Variants in TBC1D25 observed in about 807,000 individuals in gnomAD.
TBC1D25 encodes the protein TBC1 domain family member 25, also known as 5SN3 snoRNA.
A neutral mutation model predicts 38.8 loss-of-function variants in TBC1D25; 13 were observed. The observed-to-expected ratio is 0.34, with a 90% CI of 0.22 to 0.53. The LOEUF is 0.53. TBC1D25 is among the 20% of genes least tolerant of loss of function. The pLI is 0.94. For synonymous variants in TBC1D25, 225 were observed against 255.6 expected (o/e 0.88, Z 1.14); for missense variants, 372 against 600.0 (o/e 0.62, Z 3.97).
At chrX:48,556,807 C>G (rs1402442616) in intron 3 of TBC1D25, among the ~76,000 whole-genome samples, 1 of 108,950 alleles carries the variant, frequency 9.2e-6, no homozygotes, top group East Asian at 2.8e-4. Context: ...CTTAGTAGCC[C>G]TCTCGTATCA....
chrX:48,545,666 C>A (rs1221586920), intron 3 of TBC1D25, among the ~76,000 whole-genome samples: 2 of 112,021 alleles, frequency 1.8e-5, no homozygotes, highest in Admixed American at 1.9e-4. Context: ...GATTACAGAC[C>A]ATACATTAGA....
chrX:48,554,479 G>A (rs1556984120), intron 3 of TBC1D25, among the ~76,000 whole-genome samples: 1 of 105,105 alleles, frequency 9.5e-6, no homozygotes, highest in East Asian at 3.1e-4. Context: ...AGAATGGCTT[G>A]AACCCAGGAG....
chrX:48,552,136 G>A (rs782154766), intron 3 of TBC1D25, among the ~76,000 whole-genome samples: 4 of 110,689 alleles, frequency 3.6e-5, no homozygotes, highest in South Asian at 3.7e-4. Flanking sequence ...CATACCTCTC[G>A]TAAAAACGTC....
intron 3 of TBC1D25, among the ~76,000 whole-genome samples, chrX:48,556,076 C>G (rs1024284973): frequency 9.3e-6 from 1 of 107,199 alleles, no homozygotes; most frequent in African/African-American, 3.4e-5. Context: ...TCTTTCACTA[C>G]TCCTCCTCAG....
chrX:48,545,213 AG>A (rs2061873672), intron 3 of TBC1D25, among the ~76,000 whole-genome samples, 190 bp downstream of exon 3: 1 of 112,120 alleles, frequency 8.9e-6, no homozygotes, highest in African/African-American at 3.2e-5. Context: ...AACCATTGTG[AG>A]GCCTTGTATC....
intron 3 of TBC1D25, 54 bp downstream of exon 3, chrX:48,545,077 G>C: frequency 8.5e-7 from 1 of 1,181,663 alleles, no homozygotes; most frequent in Non-Finnish European, 1.1e-6. Context: ...TACCCCATAG[G>C]GTGATGCTAC....
chrX:48,553,616 CTTTTTTTTTTTTT>C (rs1209605714), intron 3 of TBC1D25, among the ~76,000 whole-genome samples: 4 of 53,297 alleles, frequency 7.5e-5, no homozygotes, highest in Admixed American at 2.8e-4. Flanking sequence ...TTTTCTTTTT[CTTTTTTTTTTTTT>C]TTTTTTTTTG....
rs181404665 is a variant in TBC1D25 at position 48,550,525 on chromosome X, G to A, written c.388+5502G>A. 3.2e-3 allele frequency among the ~76,000 whole-genome samples: 341 copies of A among 107,809 alleles called. 3 individuals are homozygous for A. In the East Asian group the frequency reaches 0.047, roughly 15 times the overall value. The allele number at this position is 107,809 out of a possible 115,157, so 93.6% of individuals were successfully genotyped here. ...GGAGTCTCGCTCTGTCGCCCAGGCT[G>A]GAGTGCAGTGGCGCAATCTCAACTC... is the stretch of plus-strand genomic sequence containing the variant. On this transcript the variant is annotated intron_variant, in intron 3 of 5. Transcript: ENST00000376771.
intron 3 of TBC1D25, among the ~76,000 whole-genome samples, chrX:48,550,049 C>T (rs1238739676): frequency 2.7e-5 from 3 of 109,542 alleles, no homozygotes; most frequent in Admixed American, 9.9e-5. Flanking sequence ...TGCAGTTGCA[C>T]AATCTCAGCT....
intron 3 of TBC1D25, 91 bp downstream of exon 3, chrX:48,545,114 G>A: frequency 9.3e-7 from 1 of 1,080,139 alleles, no homozygotes; most frequent in Non-Finnish European, 1.2e-6. Flanking sequence ...CCTCATGGTG[G>A]GATGGGTAGC....
intron 1 of TBC1D25, 101 bp from the exon 2 acceptor site, chrX:48,541,232 C>A: frequency 1.4e-6 from 1 of 699,737 alleles, no homozygotes; most frequent in Non-Finnish European, 2.3e-6. Context: ...CTTGATCTGG[C>A]CCCTGGCACC....
chrX:48,552,525 G>C (rs1405108701), intron 3 of TBC1D25, among the ~76,000 whole-genome samples: 1 of 109,813 alleles, frequency 9.1e-6, no homozygotes, highest in Non-Finnish European at 1.9e-5. Context: ...CTAATTTTTT[G>C]TATTTTTAGT....
intron 5 of TBC1D25, 100 bp from the exon 6 acceptor site, chrX:48,559,514 A>T: frequency 8.9e-7 from 1 of 1,117,607 alleles, no homozygotes; most frequent in Non-Finnish European, 1.2e-6. Flanking sequence ...ACTTAGAAGG[A>T]AGACAGAGGC....
rs1440613035 is a variant in TBC1D25 at position 48,561,695 on chromosome X, T to C, written c.*720T>C. Reference sequence around the variant, plus strand: ...GGCAGGGGCCTCGGCCTCCTTTTTGTTTTCCACTTCAGACAGGTACCGTGC... The same window carrying C: ...GGCAGGGGCCTCGGCCTCCTTTTTGCTTTCCACTTCAGACAGGTACCGTGC... On this transcript the variant is annotated 3_prime_UTR_variant, in exon 6 of 6. Coordinates refer to ENST00000376771, the MANE Select transcript of TBC1D25 (RefSeq NM_002536.4). The C allele has an allele frequency of 8.9e-6, 1 of 112,502 alleles. No homozygotes were observed. Among genetic ancestry groups the C allele is most frequent in the Non-Finnish European group, 1.9e-5 (1 of 53,302 alleles). The allele number at this position is 112,502 out of a possible 1,213,427, so 9.3% of individuals were successfully genotyped here. A position where few individuals can be genotyped will look rare whatever the true frequency, so the allele number is the denominator to read the frequency against.
chrX:48,539,926 G>A lies in TBC1D25; in HGVS notation c.123+6G>A. 1 of 951,282 alleles carries A rather than the reference G, an allele frequency of 1.1e-6. No individual in the cohort carries two copies. The highest frequency in any genetic ancestry group is 1.3e-6 in the Non-Finnish European group (1 of 759,184). 78.4% of individuals were successfully genotyped at this position (951,282 alleles called of 1,213,427 possible). The stretch of plus-strand genomic sequence containing the variant: ...TGGTGCGGGTCCGAGTCAAGGTGAG[G>A]CTGGCGGTGAGTCGGCCCAGCCGCC... On this transcript the variant is annotated splice_donor_region_variant and intron_variant, in intron 1 of 5. Transcript: ENST00000376771.
intron 3 of TBC1D25, among the ~76,000 whole-genome samples, chrX:48,546,622 C>T (rs1344328615): frequency 1.8e-5 from 2 of 112,283 alleles, no homozygotes; most frequent in Non-Finnish European, 3.8e-5. Flanking sequence ...AATATGATCA[C>T]ATTGGTAATT....
At chrX:48,551,233 G>A (rs1470860967) in intron 3 of TBC1D25, among the ~76,000 whole-genome samples, 2 of 112,203 alleles carry the variant, frequency 1.8e-5, no homozygotes, top group Non-Finnish European at 3.8e-5. Flanking sequence ...TTCACACTAC[G>A]TGGGTTATAT....
At chrX:48,544,737 T>A in intron 2 of TBC1D25, 132 bp from the exon 3 acceptor site, 2 of 831,401 alleles carry the variant, frequency 2.4e-6, no homozygotes, top group South Asian at 6.0e-5. Context: ...CCATAATCCT[T>A]GGCACAGTAC....
chrX:48,561,902 G>A lies in TBC1D25; in HGVS notation c.*927G>A, dbSNP rs2062030503. 2 of 112,596 alleles carry A rather than the reference G, an allele frequency of 1.8e-5. No individual in the cohort carries two copies. The highest frequency in any genetic ancestry group is 6.4e-5 in the African/African-American group (2 of 31,055). The allele number at this position is 112,596 out of a possible 1,213,427, so 9.3% of individuals were successfully genotyped here. A position where few individuals can be genotyped will look rare whatever the true frequency, so the allele number is the denominator to read the frequency against. Reference sequence around the variant, plus strand: ...ACTGGGATTCCAGCTCACAGCACCTGTCTTAACCATTTCAGCAGTAGAAAC... The same window carrying A: ...ACTGGGATTCCAGCTCACAGCACCTATCTTAACCATTTCAGCAGTAGAAAC... On this transcript the variant is annotated 3_prime_UTR_variant, in exon 6 of 6. Transcript: ENST00000376771.
Sources: allele counts gnomAD v4.1 joint callset (sites outside exome capture counted in the v4.1 genomes callset), GRCh38; gene constraint gnomAD v4.1.1; transcripts MANE v1.5; gene names NCBI Gene and HGNC (gene_info 2026-07-23, HGNC 2026-07-21).